The following PHF20 variants were observed in gnomAD, a reference collection of about 807,000 sequenced individuals.
The protein encoded by PHF20 is PHD finger protein 20.
A neutral mutation model predicts 113.5 loss-of-function variants in PHF20; 23 were observed. That is an observed-to-expected ratio of 0.20 (90% CI 0.15 to 0.29). The LOEUF is 0.29. Among genes scored for constraint, PHF20 ranks in the 10% least tolerant of loss-of-function variants. The pLI, the probability that PHF20 is intolerant of heterozygous loss-of-function variation, is 1.00. For missense variants in PHF20, 943 were observed against 1,219.6 expected (o/e 0.77, Z 3.38); for synonymous variants, 434 against 457.3 (o/e 0.95, Z 0.65).
chr20:35,789,085 A>C (rs763586862), intron 1 of PHF20, among the ~76,000 whole-genome samples: 7 of 152,112 alleles, frequency 4.6e-5, no homozygotes, highest in Non-Finnish European at 8.8e-5. Flanking sequence ...GGGAGGTTCC[A>C]ATGGCTAATC....
intron 1 of PHF20, among the ~76,000 whole-genome samples, chr20:35,783,084 C>G (rs111437570): frequency 6.6e-6 from 1 of 152,052 alleles, no homozygotes; most frequent in Non-Finnish European, 1.5e-5. Context: ...CTTGTAGTCC[C>G]AGCTCCTTGG....
chr20:35,853,313 GTAAC>G (rs574255102), intron 4 of PHF20: 3 of 152,076 alleles, frequency 2.0e-5, no homozygotes, highest in Non-Finnish European at 4.4e-5. Context: ...AGTTCGATCT[GTAAC>G]TAACTGTGAA....
chr20:35,905,532 G>A (rs887985189), intron 10 of PHF20, among the ~76,000 whole-genome samples: 1 of 152,180 alleles, frequency 6.6e-6, no homozygotes, highest in Non-Finnish European at 1.5e-5. Flanking sequence ...CAAGAAGATG[G>A]CCATCTGCAA....
intron 17 of PHF20, among the ~76,000 whole-genome samples, chr20:35,945,230 C>T (rs1394483273): frequency 6.6e-6 from 1 of 152,146 alleles, no homozygotes; most frequent in Admixed American, 6.5e-5. Flanking sequence ...TTGTTGCAGG[C>T]TTGCCACATT....
chr20:35,919,545 G>A (rs779299884), intron 13 of PHF20, among the ~76,000 whole-genome samples: 42 of 152,140 alleles, frequency 2.8e-4, no homozygotes, highest in Non-Finnish European at 5.0e-4. Context: ...TCACCATATT[G>A]GCTAGGCTGG....
intron 2 of PHF20, among the ~76,000 whole-genome samples, chr20:35,819,269 C>A (rs1328234464): frequency 6.6e-6 from 1 of 152,166 alleles, no homozygotes; most frequent in East Asian, 1.9e-4. Context: ...TATAGATGAA[C>A]TAAAATCTGA....
intron 1 of PHF20, among the ~76,000 whole-genome samples, chr20:35,795,755 CCTTAA>C (rs764776997): frequency 2.2e-4 from 34 of 152,024 alleles, no homozygotes; most frequent in Non-Finnish European, 4.0e-4. Flanking sequence ...ATGTGAGTGT[CCTTAA>C]CTTTCTTTTT....
At chr20:35,845,966 G>T (rs991086554) in intron 3 of PHF20, among the ~76,000 whole-genome samples, 1 of 151,632 alleles carries the variant, frequency 6.6e-6, no homozygotes, top group Admixed American at 6.6e-5. Context: ...AGTAGAGGTG[G>T]GAGTTCATCA....
chr20:35,815,383 GC>G (rs2042054378), intron 2 of PHF20, among the ~76,000 whole-genome samples: 1 of 152,018 alleles, frequency 6.6e-6, no homozygotes, highest in Non-Finnish European at 1.5e-5. Flanking sequence ...TTGGAGACCA[GC>G]CTGGCCATTA....
intron 15 of PHF20, among the ~76,000 whole-genome samples, chr20:35,936,158 T>C (rs1276021063): frequency 6.6e-6 from 1 of 152,190 alleles, no homozygotes; most frequent in Non-Finnish European, 1.5e-5. Context: ...GTCTGTACTA[T>C]GGTTCGTGTG....
intron 1 of PHF20, among the ~76,000 whole-genome samples, chr20:35,776,330 C>T (rs1261825712): frequency 6.6e-6 from 1 of 152,030 alleles, no homozygotes; most frequent in African/African-American, 2.4e-5. Context: ...CCAGGAAAAG[C>T]CAGGATAAAG....
chr20:35,913,991 T>C, intron 11 of PHF20, 42 bp from the exon 12 acceptor site: 1 of 1,596,536 alleles, frequency 6.3e-7, no homozygotes. Context: ...TGCACCAGTG[T>C]TAACTAGGGT....
chr20:35,830,767 G>A (rs1456192618), intron 2 of PHF20, among the ~76,000 whole-genome samples: 1 of 150,936 alleles, frequency 6.6e-6, no homozygotes, highest in African/African-American at 2.4e-5. Context: ...ACATGTGCAA[G>A]ATTTGCAGGT....
chr20:35,791,343 C>T (rs1314238386), intron 1 of PHF20, among the ~76,000 whole-genome samples: 1 of 151,730 alleles, frequency 6.6e-6, no homozygotes, highest in Non-Finnish European at 1.5e-5. Flanking sequence ...TCAGTTTTCA[C>T]ATCCATAAAA....
At chr20:35,837,646 C>G (rs6141572) in intron 2 of PHF20, among the ~76,000 whole-genome samples, 1 of 152,176 alleles carries the variant, frequency 6.6e-6, no homozygotes, top group African/African-American at 2.4e-5. Context: ...GTGGTTCAAC[C>G]TAATAGTTTT....
chr20:35,801,443 T>C, intron 1 of PHF20, 48 bp from the exon 2 acceptor site: 1 of 930,494 alleles, frequency 1.1e-6, no homozygotes, highest in Non-Finnish European at 1.7e-6. Flanking sequence ...TGCTACACTC[T>C]GGGTGGACTT....
chr20:35,864,505 T>C (rs2054280222), intron 6 of PHF20, among the ~76,000 whole-genome samples: 1 of 152,004 alleles, frequency 6.6e-6, no homozygotes, highest in Non-Finnish European at 1.5e-5. Context: ...CATTATTCCC[T>C]AACGATGTAG....
intron 13 of PHF20, among the ~76,000 whole-genome samples, chr20:35,918,183 T>A (rs1314637679): frequency 6.6e-6 from 1 of 152,120 alleles, no homozygotes; most frequent in Non-Finnish European, 1.5e-5. Flanking sequence ...GGGGAAACCA[T>A]GCCTGGCCAG....
At chr20:35,786,552 AT>A (rs528143321) in intron 1 of PHF20, among the ~76,000 whole-genome samples, 242 of 152,018 alleles carry the variant, frequency 1.6e-3, no homozygotes, top group Middle Eastern at 6.8e-3. Context: ...AATACAAAAA[AT>A]TAGCCCAGTT....
Sources: gnomAD v4.1 joint callset for allele counts (sites outside exome capture counted in the v4.1 genomes callset) on GRCh38, gnomAD v4.1.1 for gene constraint, MANE v1.5 for transcripts, NCBI Gene and HGNC (gene_info 2026-07-23, HGNC 2026-07-21) for gene names.